CTNND2: variants seen among roughly 807,000 people sequenced by gnomAD.
CTNND2 encodes the protein catenin delta 2.
A neutral mutation model predicts 144.4 loss-of-function variants in CTNND2; 22 were observed. That is an observed-to-expected ratio of 0.15 (90% CI 0.11 to 0.22). The LOEUF is 0.22. Ranked by LOEUF, CTNND2 falls within the 10% of genes least tolerant of loss-of-function variation. The pLI is 1.00. For missense variants in CTNND2, 1,353 were observed against 1,618.8 expected, an observed-to-expected ratio of 0.84 and a Z score of 2.82; for synonymous variants, 751 against 695.6, an observed-to-expected ratio of 1.08 and a Z score of -1.25.
intron 1 of CTNND2, among the ~76,000 whole-genome samples, chr5:11,743,625 G>C (rs1788143217): frequency 6.6e-6 from 1 of 152,190 alleles, no homozygotes; most frequent in Non-Finnish European, 1.5e-5. Flanking sequence ...ACAAAGGCAG[G>C]AGGCAGAGGA....
At chr5:11,689,814 T>C (rs985235128) in intron 2 of CTNND2, among the ~76,000 whole-genome samples, 4 of 152,220 alleles carry the variant, frequency 2.6e-5, no homozygotes, top group African/African-American at 9.7e-5. Context: ...TTCCTTCAAC[T>C]TAATATGAGA....
At position 11,894,348 on chromosome 5, in the gene CTNND2, C is replaced by T. The variant is rs141198148; in HGVS notation, c.37+9469G>A. 1.8e-4 allele frequency among the ~76,000 whole-genome samples: 28 copies of T among 152,258 alleles called. No individual in the cohort carries two copies. In the East Asian group the frequency reaches 3.1e-3, roughly 17 times the overall value. The stretch of plus-strand genomic sequence containing the variant: ...AACTTTTTGGGCCAATTTTGTATAA[C>T]TTACAATATTTGAAGTGGTATGAAG... On this transcript the variant is annotated intron_variant, in intron 1 of 21. Coordinates refer to ENST00000304623, the MANE Select transcript of CTNND2 (RefSeq NM_001332.4).
chr5:11,505,957 C>T (rs1250930482), intron 3 of CTNND2, among the ~76,000 whole-genome samples: 1 of 152,136 alleles, frequency 6.6e-6, no homozygotes, highest in Non-Finnish European at 1.5e-5. Flanking sequence ...CAAGATCCTT[C>T]CCTGCAGCCT....
intron 3 of CTNND2, among the ~76,000 whole-genome samples, chr5:11,421,648 T>C (rs541021015): frequency 2.4e-4 from 36 of 152,234 alleles, no homozygotes; most frequent in African/African-American, 8.2e-4. Flanking sequence ...TACCCAGGCA[T>C]GGCGGTGTCT....
intron 12 of CTNND2, among the ~76,000 whole-genome samples, chr5:11,155,084 A>C (rs1054747142): frequency 6.6e-6 from 1 of 152,208 alleles, no homozygotes; most frequent in African/African-American, 2.4e-5. Flanking sequence ...AGATTTATTC[A>C]ACACACCGCA....
At chr5:11,162,107 C>T (rs1017127448) in intron 11 of CTNND2, among the ~76,000 whole-genome samples, 1 of 151,564 alleles carries the variant, frequency 6.6e-6, no homozygotes, top group African/African-American at 2.4e-5. Flanking sequence ...GAGCTGAGAT[C>T]GTGCCACTGT....
intron 3 of CTNND2, among the ~76,000 whole-genome samples, chr5:11,438,287 A>G (rs923856158): frequency 6.6e-6 from 1 of 152,228 alleles, no homozygotes; most frequent in Non-Finnish European, 1.5e-5. Context: ...CAACAAATAC[A>G]TATGTATTCA....
intron 8 of CTNND2, among the ~76,000 whole-genome samples, chr5:11,354,270 T>A (rs556236422): frequency 6.6e-6 from 1 of 152,216 alleles, no homozygotes; most frequent in Non-Finnish European, 1.5e-5. Flanking sequence ...TGATTTTACA[T>A]CAAGTACTTG....
At chr5:11,766,000 C>T (rs1172415474) in intron 1 of CTNND2, among the ~76,000 whole-genome samples, 1 of 152,090 alleles carries the variant, frequency 6.6e-6, no homozygotes, top group Non-Finnish European at 1.5e-5. Context: ...TGCCATGAAA[C>T]TAGCACTGTA....
intron 16 of CTNND2, among the ~76,000 whole-genome samples, chr5:11,071,865 C>G (rs967522065): frequency 1.3e-5 from 2 of 152,164 alleles, no homozygotes; most frequent in East Asian, 1.9e-4. Context: ...TTGGTTTACT[C>G]ACTTGGGATA....
At chr5:11,385,373 C>A in intron 6 of CTNND2, 144 bp from the exon 7 acceptor site, 1 of 412,786 alleles carries the variant, frequency 2.4e-6, no homozygotes, top group Non-Finnish European at 3.3e-6. Flanking sequence ...GCGCTCGGGG[C>A]AGTACGCGAA....
intron 5 of CTNND2, among the ~76,000 whole-genome samples, chr5:11,398,138 G>T (rs1355855731): frequency 6.6e-6 from 1 of 152,102 alleles, no homozygotes; most frequent in African/African-American, 2.4e-5. Flanking sequence ...GTTTTCTCCT[G>T]CCTCTTTGTA....
chr5:11,025,924 A>G (rs1340848514), intron 16 of CTNND2, among the ~76,000 whole-genome samples: 1 of 152,176 alleles, frequency 6.6e-6, no homozygotes, highest in Non-Finnish European at 1.5e-5. Flanking sequence ...TCAGAGGGTA[A>G]AAGAAGTTAA....
chr5:11,668,305 T>C (rs1336160624), intron 2 of CTNND2, among the ~76,000 whole-genome samples: 4 of 152,350 alleles, frequency 2.6e-5, no homozygotes, highest in South Asian at 2.1e-4. Flanking sequence ...GTGAAGAAAG[T>C]CAATGGTAGC....
chr5:11,701,979 A>G (rs1200405100), intron 2 of CTNND2, among the ~76,000 whole-genome samples: 1 of 152,134 alleles, frequency 6.6e-6, no homozygotes, highest in African/African-American at 2.4e-5. Context: ...TCATCATGGG[A>G]AGCAGGACAC....
chr5:11,401,789 T>G (rs1245077641), intron 5 of CTNND2, among the ~76,000 whole-genome samples: 5 of 152,180 alleles, frequency 3.3e-5, no homozygotes. Flanking sequence ...AATAGCAGAT[T>G]GGCTTCAGAA....
At chr5:11,626,416 G>A (rs533310529) in intron 2 of CTNND2, among the ~76,000 whole-genome samples, 1 of 152,268 alleles carries the variant, frequency 6.6e-6, no homozygotes, top group African/African-American at 2.4e-5. Context: ...AAACTTGCAG[G>A]TAGGAAAGAT....
Position 11,438,864 on chromosome 5 carries a change from A to G in CTNND2, c.288-26795T>C, listed in dbSNP as rs148357619. 2.6e-5 allele frequency among the ~76,000 whole-genome samples: 4 copies of G among 152,248 alleles called. No individual in the cohort carries two copies. The East Asian group carries it at 7.8e-4, about 30-fold the overall frequency. ...CTTACTTCTTTTATGGAAAGTCTAA[A>G]CTACATGGCATTCTCCCCTTCATTA... On this transcript the variant is annotated intron_variant, in intron 3 of 21. Coordinates refer to ENST00000304623, the MANE Select transcript of CTNND2 (RefSeq NM_001332.4).
intron 3 of CTNND2, among the ~76,000 whole-genome samples, chr5:11,490,890 A>G (rs535057105): frequency 6.6e-6 from 1 of 152,294 alleles, no homozygotes; most frequent in Non-Finnish European, 1.5e-5. Flanking sequence ...TGGGAGGCTG[A>G]GGTGGGAGGA....
Sources: gnomAD v4.1 joint callset for allele counts (sites outside exome capture counted in the v4.1 genomes callset) on GRCh38, gnomAD v4.1.1 for gene constraint, MANE v1.5 for transcripts, NCBI Gene and HGNC (gene_info 2026-07-23, HGNC 2026-07-21) for gene names.